The following SKA2 variants were observed in gnomAD, a reference collection of about 807,000 sequenced individuals.
The protein encoded by SKA2 is spindle and kinetochore associated complex subunit 2, also known as spindle and kinetochore-associated protein 2.
A neutral mutation model predicts 16.9 loss-of-function variants in SKA2; 13 were observed. The ratio of observed to expected loss-of-function variants is 0.77; its 90% CI spans 0.50 to 1.22. The LOEUF (loss-of-function observed/expected upper bound fraction) is 1.22. SKA2 is among the 50% of genes most tolerant of loss of function. The pLI is 0.00. For missense variants in SKA2, 107 were observed against 139.7 expected, an observed-to-expected ratio of 0.77 and a Z score of 1.18; for synonymous variants, 47 against 48.5, an observed-to-expected ratio of 0.97 and a Z score of 0.13.
intron 2 of SKA2, among the ~76,000 whole-genome samples, chr17:59,131,080 G>C (rs1390498273): frequency 6.6e-6 from 1 of 152,132 alleles, no homozygotes; most frequent in East Asian, 1.9e-4. Flanking sequence ...GGGAAAAAAA[G>C]TAGCCACAAA....
intron 2 of SKA2, among the ~76,000 whole-genome samples, chr17:59,128,471 C>T (rs1233977420): frequency 6.6e-6 from 1 of 151,584 alleles, no homozygotes; most frequent in Non-Finnish European, 1.5e-5. Context: ...CTAAAAAATA[C>T]AAAAATTAGC....
intron 1 of SKA2, among the ~76,000 whole-genome samples, chr17:59,146,734 A>T (rs899415423): frequency 6.6e-6 from 1 of 152,130 alleles, no homozygotes; most frequent in African/African-American, 2.4e-5. Context: ...GCACAATCAT[A>T]GCTCATTGCA....
In SKA2 at chr17:59,110,334, T is replaced by A. The variant is rs780491502; in HGVS notation, c.*1943A>T. 2 of 152,200 alleles carry A rather than the reference T, an allele frequency of 1.3e-5. No homozygotes were observed. Among genetic ancestry groups the A allele is most frequent in the African/African-American group, 2.4e-5 (1 of 41,448 alleles). The allele number at this position is 152,200 out of a possible 1,614,324, so 9.4% of individuals were successfully genotyped here. ...CTGAAAGCAAAACCACTTTTAATAC[T>A]AAGAATTTATTATGATCTCTCCATG... On this transcript the variant is annotated 3_prime_UTR_variant, in exon 4 of 4. Coordinates refer to ENST00000330137, the MANE Select transcript of SKA2 (RefSeq NM_182620.4).
intron 1 of SKA2, among the ~76,000 whole-genome samples, chr17:59,138,895 A>G (rs184953784): frequency 6.6e-6 from 1 of 152,350 alleles, no homozygotes; most frequent in East Asian, 1.9e-4. Context: ...TTTTACAAAC[A>G]ACCCCTAGAT....
rs2046260130 is a variant in SKA2 at position 59,110,894 on chromosome 17, TAA to T, written c.*1381_*1382del. 6.6e-6 allele frequency: 1 copy of T among 151,992 alleles called. No homozygotes were observed. The highest frequency in any genetic ancestry group is 1.5e-5 in the Non-Finnish European group (1 of 68,012). 9.4% of individuals were successfully genotyped at this position (151,992 alleles called of 1,614,324 possible). A position where few individuals can be genotyped will look rare whatever the true frequency, so the allele number is the denominator to read the frequency against. On this transcript the variant is annotated 3_prime_UTR_variant, in exon 4 of 4. Coordinates refer to ENST00000330137, the MANE Select transcript of SKA2 (RefSeq NM_182620.4). ...TCACAACCCTGTTTTTCAGCTATTA[TAA>T]GTTTGTTAATGGACAAACATGTTCA...
intron 1 of SKA2, among the ~76,000 whole-genome samples, chr17:59,140,525 G>A (rs1326372286): frequency 1.3e-5 from 2 of 151,642 alleles, no homozygotes; most frequent in African/African-American, 2.4e-5. Flanking sequence ...CACTGCGCCC[G>A]GCCCAATCTG....
intron 1 of SKA2, among the ~76,000 whole-genome samples, chr17:59,136,434 G>A (rs910288546): frequency 3.4e-4 from 52 of 152,120 alleles, no homozygotes; most frequent in Admixed American, 1.0e-3. Flanking sequence ...AAAGTACTAG[G>A]ATTACAGGTG....
At chr17:59,148,502 C>T (rs899180238) in intron 1 of SKA2, among the ~76,000 whole-genome samples, 5 of 152,020 alleles carry the variant, frequency 3.3e-5, no homozygotes, top group South Asian at 4.1e-4. Context: ...ACTGCAGCCT[C>T]GACCTCCCCA....
At chr17:59,148,918 CATT>C (rs1334214532) in intron 1 of SKA2, among the ~76,000 whole-genome samples, 2 of 150,998 alleles carry the variant, frequency 1.3e-5, no homozygotes. Flanking sequence ...GGTTTAACAT[CATT>C]AGTTAAGGAA....
At chr17:59,115,516 T>A (rs2046290564) in intron 3 of SKA2, among the ~76,000 whole-genome samples, 1 of 152,206 alleles carries the variant, frequency 6.6e-6, no homozygotes, top group Non-Finnish European at 1.5e-5. Context: ...ATCATACGTC[T>A]TACTACAACC....
At chr17:59,126,125 C>G (rs183839627) in intron 2 of SKA2, among the ~76,000 whole-genome samples, 1 of 151,260 alleles carries the variant, frequency 6.6e-6, no homozygotes, top group African/African-American at 2.4e-5. Flanking sequence ...GAGCCGAGAT[C>G]GCGCCACTGC....
At chr17:59,124,358 G>C (rs960809505) in intron 2 of SKA2, 6 of 152,008 alleles carry the variant, frequency 3.9e-5, no homozygotes, top group Non-Finnish European at 8.8e-5. Flanking sequence ...CCTGAGCCCA[G>C]GAGGTCAAAG....
chr17:59,154,052 G>A (rs1220068193), intron 1 of SKA2, among the ~76,000 whole-genome samples: 1 of 151,530 alleles, frequency 6.6e-6, no homozygotes, highest in Non-Finnish European at 1.5e-5. Context: ...TTACAGGCGT[G>A]AGCCACCGCG....
At chr17:59,134,760 C>T (rs1458066925) in intron 1 of SKA2, among the ~76,000 whole-genome samples, 5 of 152,120 alleles carry the variant, frequency 3.3e-5, no homozygotes, top group African/African-American at 9.6e-5. Flanking sequence ...AATAATCTAA[C>T]GTATATGTCA....
At chr17:59,127,844 C>A (rs1168146136) in intron 2 of SKA2, among the ~76,000 whole-genome samples, 1 of 152,166 alleles carries the variant, frequency 6.6e-6, no homozygotes, top group Admixed American at 6.6e-5. Context: ...GTCCACACAA[C>A]AACTTGTAAA....
intron 3 of SKA2, among the ~76,000 whole-genome samples, chr17:59,116,918 A>G (rs1239524376): frequency 2.0e-5 from 3 of 149,190 alleles, no homozygotes; most frequent in African/African-American, 7.4e-5. Flanking sequence ...CCCAGGTTCA[A>G]GCGATTCCCG....
At chr17:59,154,689 G>A (rs562031501) in intron 1 of SKA2, among the ~76,000 whole-genome samples, 1 of 152,218 alleles carries the variant, frequency 6.6e-6, no homozygotes, top group Admixed American at 6.5e-5. Flanking sequence ...TGGCCCTACA[G>A]GGATTTCTCC....
At chr17:59,117,523 G>C (rs1247367725) in intron 3 of SKA2, among the ~76,000 whole-genome samples, 1 of 151,954 alleles carries the variant, frequency 6.6e-6, no homozygotes, top group South Asian at 2.1e-4. Context: ...CAAATAGTTG[G>C]AACTACCAGC....
intron 1 of SKA2, among the ~76,000 whole-genome samples, chr17:59,135,965 G>A (rs1295024134): frequency 1.3e-5 from 2 of 151,644 alleles, no homozygotes; most frequent in Non-Finnish European, 2.9e-5. Context: ...AGGATTGCTT[G>A]AGCCCAGGAG....
Sources: gnomAD v4.1 joint callset for allele counts (sites outside exome capture counted in the v4.1 genomes callset) on GRCh38, gnomAD v4.1.1 for gene constraint, MANE v1.5 for transcripts, NCBI Gene and HGNC (gene_info 2026-07-23, HGNC 2026-07-21) for gene names.